MAL: variants seen among roughly 807,000 people sequenced by gnomAD.
MAL encodes myelin and lymphocyte protein.
MAL carries 5 observed loss-of-function variants against 16.7 expected under a neutral mutation model. The ratio of observed to expected loss-of-function variants is 0.30; its 90% CI spans 0.16 to 0.63. The LOEUF is 0.63. Among genes scored for constraint, MAL ranks in the 30% least tolerant of loss-of-function variants. MAL has a pLI of 0.82. For synonymous variants in MAL, 96 were observed against 85.5 expected, an observed-to-expected ratio of 1.12 and a Z score of -0.67; for missense variants, 202 against 195.8, an observed-to-expected ratio of 1.03 and a Z score of -0.19.
intron 1 of MAL, among the ~76,000 whole-genome samples, chr2:95,036,184 G>A (rs1674200185): frequency 6.6e-6 from 1 of 152,164 alleles, no homozygotes; most frequent in Non-Finnish European, 1.5e-5. Flanking sequence ...ACCAAGTCAG[G>A]TCCCAGCCCC....
At chr2:95,046,298 T>C (rs1457544624) in intron 1 of MAL, among the ~76,000 whole-genome samples, 13 of 152,168 alleles carry the variant, frequency 8.5e-5, no homozygotes, top group Admixed American at 8.5e-4. Flanking sequence ...CTGTAGTACC[T>C]TGGAGACTTT....
At chr2:95,030,847 A>G (rs1173629348) in intron 1 of MAL, among the ~76,000 whole-genome samples, 4 of 152,228 alleles carry the variant, frequency 2.6e-5, no homozygotes, top group African/African-American at 9.6e-5. Flanking sequence ...AACTGGACAG[A>G]GTAATGACTA....
intron 1 of MAL, among the ~76,000 whole-genome samples, chr2:95,027,424 G>T (rs1187812962): frequency 6.6e-6 from 1 of 152,154 alleles, no homozygotes; most frequent in Non-Finnish European, 1.5e-5. Context: ...GCTTCTCTCA[G>T]CTGACTTAGA....
chr2:95,039,207 ACT>A (rs1674367837), intron 1 of MAL, among the ~76,000 whole-genome samples: 1 of 149,932 alleles, frequency 6.7e-6, no homozygotes, highest in Non-Finnish European at 1.5e-5. Context: ...TGAGTGAGTG[ACT>A]GAGTGAGTGA....
rs1217788819 is a variant in MAL at position 95,025,941 on chromosome 2, G to C, written c.93+56G>C. Reference sequence around the variant, plus strand: ...GGTGGGCTGAGCCGTGCGCTCTCTCGGGCGCCCAGCACAGCTGTCGGACGG... The same window carrying C: ...GGTGGGCTGAGCCGTGCGCTCTCTCCGGCGCCCAGCACAGCTGTCGGACGG... On this transcript the variant is annotated intron_variant, in intron 1 of 3. Coordinates refer to ENST00000309988, the MANE Select transcript of MAL (RefSeq NM_002371.4). The surrounding 1 kb of genome is among the most constrained non-coding windows in gnomAD (Gnocchi z 5.6). The C allele has an allele frequency of 6.9e-7, 1 of 1,440,940 alleles. No individual in the cohort carries two copies. Among genetic ancestry groups the C allele is most frequent in the Admixed American group, 2.2e-5 (1 of 46,034 alleles). The allele number at this position is 1,440,940 out of a possible 1,614,324, so 89.3% of individuals were successfully genotyped here.
intron 1 of MAL, 95 bp from the exon 2 acceptor site, chr2:95,047,864 G>A: frequency 8.1e-7 from 1 of 1,235,308 alleles, no homozygotes; most frequent in Non-Finnish European, 1.1e-6. Flanking sequence ...CTGTGTTTTT[G>A]CACTCCAGTC....
At chr2:95,028,152 C>CAAAAA (rs898443996) in intron 1 of MAL, among the ~76,000 whole-genome samples, 4 of 39,696 alleles carry the variant, frequency 1.0e-4, no homozygotes, top group Non-Finnish European at 1.4e-4. Flanking sequence ...ACTAAAAATA[C>CAAAAA]AAAAAAAAAA....
intron 1 of MAL, among the ~76,000 whole-genome samples, chr2:95,044,069 T>C: frequency 6.6e-6 from 1 of 152,190 alleles, no homozygotes; most frequent in East Asian, 1.9e-4. Context: ...AAAGGGGCAC[T>C]GTGCAGCTGC....
intron 1 of MAL, among the ~76,000 whole-genome samples, chr2:95,040,908 G>A (rs939211078): frequency 4.6e-5 from 7 of 152,140 alleles, no homozygotes; most frequent in African/African-American, 1.7e-4. Flanking sequence ...GCCTTTAAAG[G>A]CACACACCAC....
rs201902217 is a variant in MAL, at chr2:95,048,062, C to A, written c.197C>A (p.Thr66Asn). 3 of 1,613,752 alleles carry A rather than the reference C, an allele frequency of 1.9e-6. No individual in the cohort carries two copies. Among genetic ancestry groups the A allele is most frequent in the Non-Finnish European group, 2.5e-6 (3 of 1,179,830 alleles). ...MFVSVFCFVA[T>N]TTLIILYIIG... ...GTGTCTGTGTTCTGCTTCGTGGCCA[C>A]CACCACCTTGATCATCCTGTACATA... is the stretch of plus-strand genomic sequence containing the variant. Residue 66 changes from threonine to asparagine, a missense_variant, in exon 2 of 4, where the codon ACC becomes AAC. Transcript: ENST00000309988.
intron 3 of MAL, chr2:95,051,484 C>G (rs1256222519): frequency 6.6e-6 from 1 of 152,250 alleles, no homozygotes; most frequent in Non-Finnish European, 1.5e-5. Context: ...TCAGTTTTGC[C>G]TGCCTTTGAA....
At chr2:95,050,296 C>T (rs1674689583) in intron 3 of MAL, among the ~76,000 whole-genome samples, 1 of 152,196 alleles carries the variant, frequency 6.6e-6, no homozygotes, top group South Asian at 2.1e-4. Context: ...ATCAGAATGA[C>T]AGGGTAACAG....
Position 95,053,522 on chromosome 2 carries a change from C to A in MAL, c.*67C>A. ...CTGGCCGCCCCACTTTCCGGCATAA[C>A]TTTTTAGAAAACAGAAATGCCCTTG... On this transcript the variant is annotated 3_prime_UTR_variant, in exon 4 of 4. Coordinates refer to ENST00000309988, the MANE Select transcript of MAL (RefSeq NM_002371.4). 1 of 1,278,328 alleles carries A rather than the reference C, an allele frequency of 7.8e-7. No individual in the cohort carries two copies. The highest frequency in any genetic ancestry group is 1.1e-6 in the Non-Finnish European group (1 of 877,432). 79.2% of individuals were successfully genotyped at this position (1,278,328 alleles called of 1,614,324 possible). A position where few individuals can be genotyped will look rare whatever the true frequency, so the allele number is the denominator to read the frequency against.
rs569060860 is a variant in MAL at position 95,042,375 on chromosome 2, A to G, written c.94-5584A>G. On this transcript the variant is annotated intron_variant, in intron 1 of 3. Coordinates refer to ENST00000309988, the MANE Select transcript of MAL (RefSeq NM_002371.4). ...TCTGCCCCATCACTCTGCTTCTTTCATGGGAATCAGACTCTGGGCATGAGC... is the reference window on the plus strand; with the variant it reads ...TCTGCCCCATCACTCTGCTTCTTTCGTGGGAATCAGACTCTGGGCATGAGC... Among the ~76,000 whole-genome samples the G allele has an allele frequency of 7.9e-5, 12 of 152,274 alleles. No individual in the cohort carries two copies. The South Asian group carries it at 2.5e-3, about 32-fold the overall frequency.
Position 95,049,601 on chromosome 2 carries a change from C to T in MAL, c.282C>T (p.Thr94=), listed in dbSNP as rs761322906. 18 of 1,614,104 alleles carry T rather than the reference C, an allele frequency of 1.1e-5. No homozygotes were observed. The highest frequency in any genetic ancestry group is 7.7e-5 in the South Asian group (7 of 91,090). The change falls in exon 3 of 4, where the codon ACC becomes ACT. Residue 94 remains threonine (T), a synonymous_variant. Transcript: ENST00000309988. The part of the protein sequence containing the change: ...WVTLDAAYHC[T]AALFYLSASV... ...CATAGGACGCAGCCTACCACTGCACCGCTGCCCTCTTTTACCTCAGCGCCT... is the reference window on the plus strand; with the variant it reads ...CATAGGACGCAGCCTACCACTGCACTGCTGCCCTCTTTTACCTCAGCGCCT...
At chr2:95,039,155 ACTGAATGGGTGAGTGAGTGACTTG>A (rs1674363570) in intron 1 of MAL, among the ~76,000 whole-genome samples, 1 of 149,182 alleles carries the variant, frequency 6.7e-6, no homozygotes, top group African/African-American at 2.5e-5. Context: ...TGACTGAGTG[ACTGAATGGGTGAGTGAGTGACTTG>A]GTGAGTGAGT....
chr2:95,035,667 A>ATTTT (rs747522452), intron 1 of MAL, among the ~76,000 whole-genome samples: 1 of 130,980 alleles, frequency 7.6e-6, no homozygotes, highest in Non-Finnish European at 1.6e-5. Flanking sequence ...CAGCTCTTAG[A>ATTTT]TTTTTTTTTT....
Position 95,025,801 on chromosome 2 carries a change from C to T in MAL, c.9C>T (p.Pro3=), listed in dbSNP as rs199509227. The change falls in exon 1 of 4, where the codon CCC becomes CCT. Residue 3 remains proline, a synonymous_variant. Transcript: ENST00000309988. This position sits in a 1 kb window ranked among gnomAD's most constrained non-coding sequence, Gnocchi z 5.6. MA[P]AAATGGSTLP... is the part of the protein sequence containing the mutation. ...GACGCCAGCACGCCGTCATGGCCCCCGCAGCGGCGACGGGGGGCAGCACCC... is the reference window on the plus strand; with the variant it reads ...GACGCCAGCACGCCGTCATGGCCCCTGCAGCGGCGACGGGGGGCAGCACCC... 3.2e-6 allele frequency: 5 copies of T among 1,554,856 alleles called. No individual in the cohort carries two copies. The highest frequency in any genetic ancestry group is 1.9e-5 in the Admixed American group (1 of 52,526).
chr2:95,053,596 G>A lies in MAL; in HGVS notation c.*141G>A, dbSNP rs79066966. ...ACCCCCCCACTGCCCAAAAAAAAAA[G>A]CCCTGCCCTGTTGCTCGTGGGTGCT... On this transcript the variant is annotated 3_prime_UTR_variant, in exon 4 of 4. Coordinates refer to ENST00000309988, the MANE Select transcript of MAL (RefSeq NM_002371.4). 3 of 661,010 alleles carry A rather than the reference G, an allele frequency of 4.5e-6. No individual in the cohort carries two copies. Among genetic ancestry groups the A allele is most frequent in the South Asian group, 1.9e-5 (1 of 52,528 alleles). 40.9% of individuals were successfully genotyped at this position (661,010 alleles called of 1,614,324 possible).
Sources: gnomAD v4.1 joint callset for allele counts (sites outside exome capture counted in the v4.1 genomes callset) on GRCh38, gnomAD v4.1.1 for gene constraint, Gnocchi (gnomAD v3.1) non-coding constraint, MANE v1.5 for transcripts, NCBI Gene and HGNC (gene_info 2026-07-23, HGNC 2026-07-21) for gene names.